Variants in ENTHD1 observed in about 807,000 individuals in gnomAD.
ENTHD1 encodes the protein ENTH domain-containing protein 1.
ENTHD1 carries 23 observed loss-of-function variants against 39.1 expected under a neutral mutation model. The observed-to-expected ratio is 0.59, with a 90% confidence interval of 0.42 to 0.83. The LOEUF (loss-of-function observed/expected upper bound fraction) is 0.83, where lower values mean the gene tolerates loss of function less well. Among genes scored for constraint, ENTHD1 ranks in the 40% least tolerant of loss-of-function variants. The probability of loss-of-function intolerance (pLI) is 0.00; values close to 1 mark genes in which losing one functional copy is unlikely to be tolerated. For missense variants in ENTHD1, 624 were observed against 705.4 expected, an observed-to-expected ratio of 0.88 and a Z score of 1.31; for synonymous variants, 230 against 258.2, an observed-to-expected ratio of 0.89 and a Z score of 1.05.
At chr22:39,825,214 T>C (rs1454011523) in intron 4 of ENTHD1, among the ~76,000 whole-genome samples, 2 of 152,348 alleles carry the variant, frequency 1.3e-5, no homozygotes, top group East Asian at 3.9e-4. Flanking sequence ...TTTTAATGCC[T>C]AAGTATTTAA....
chr22:39,769,670 A>G (rs2146566229), intron 5 of ENTHD1, among the ~76,000 whole-genome samples: 1 of 152,236 alleles, frequency 6.6e-6, no homozygotes, highest in African/African-American at 2.4e-5. Context: ...GAGGAAGGCC[A>G]AGAGAGTATG....
chr22:39,824,550 A>G (rs1223831035), intron 4 of ENTHD1, among the ~76,000 whole-genome samples: 1 of 151,936 alleles, frequency 6.6e-6, no homozygotes, highest in East Asian at 1.9e-4. Flanking sequence ...TATTTTCTAA[A>G]AGTTTTATAG....
At chr22:39,806,834 G>T (rs1277849790) in intron 5 of ENTHD1, among the ~76,000 whole-genome samples, 1 of 152,178 alleles carries the variant, frequency 6.6e-6, no homozygotes, top group Non-Finnish European at 1.5e-5. Flanking sequence ...TAAATCCCAA[G>T]AATGAGCAAG....
intron 5 of ENTHD1, among the ~76,000 whole-genome samples, chr22:39,772,478 C>A (rs2065334618): frequency 6.6e-6 from 1 of 152,088 alleles, no homozygotes; most frequent in South Asian, 2.1e-4. Flanking sequence ...CCGTGAATAC[C>A]TAAAGGTGTA....
chr22:39,753,680 G>A (rs1006579089), intron 6 of ENTHD1, among the ~76,000 whole-genome samples: 3 of 152,144 alleles, frequency 2.0e-5, no homozygotes, highest in Non-Finnish European at 4.4e-5. Context: ...CACCCTGAGT[G>A]ACGCCAATGT....
At chr22:39,890,837 T>C (rs189301628) in intron 1 of ENTHD1, among the ~76,000 whole-genome samples, 1 of 152,318 alleles carries the variant, frequency 6.6e-6, no homozygotes, top group Non-Finnish European at 1.5e-5. Flanking sequence ...AACTTTACCT[T>C]GTGATATGAA....
Position 39,765,410 on chromosome 22 carries a change from G to T in ENTHD1, c.1032C>A (p.Ser344Arg), listed in dbSNP as rs1260700693. The T allele has an allele frequency of 3.1e-6, 5 of 1,613,988 alleles. No individual in the cohort carries two copies. Among genetic ancestry groups the T allele is most frequent in the Non-Finnish European group, 4.2e-6 (5 of 1,179,980 alleles). ...ACWSSKEEFI[S>R]PDLRVSKSDS... ...CTGACTTTGATACCCTTAAGTCGGG[G>T]CTGATAAACTCCTCTTTACTTGACC... Residue 344 changes from serine to arginine, a missense_variant, in exon 6 of 7, where the codon AGC becomes AGA. Transcript: ENST00000325157.
At chr22:39,762,463 A>T (rs1236694354) in intron 6 of ENTHD1, among the ~76,000 whole-genome samples, 1 of 150,242 alleles carries the variant, frequency 6.7e-6, no homozygotes, top group Non-Finnish European at 1.5e-5. Flanking sequence ...CCAGGCTCTC[A>T]CTGTGTCACC....
rs1175162536 is a variant in ENTHD1 at position 39,765,498 on chromosome 22, G to A, written c.944C>T (p.Thr315Ile). 5 of 1,613,634 alleles carry A rather than the reference G, an allele frequency of 3.1e-6. No individual in the cohort carries two copies. The highest frequency in any genetic ancestry group is 4.2e-6 in the Non-Finnish European group (5 of 1,179,924). ...TGCAGCTGATTGCTTTTCTAAAGGT[G>A]TTTCCAAGAGGTTTTCTGTGACAGT... is the stretch of plus-strand genomic sequence containing the variant. Reference protein sequence around the residue: ...TNTVTENLLETPLEKQSAAEG... With the variant: ...TNTVTENLLEIPLEKQSAAEG... The change falls in exon 6 of 7, where the codon ACA becomes ATA. Residue 315 changes from threonine to isoleucine, a missense_variant. Physicochemically the swap from Thr to Ile is moderately conservative, Grantham distance 89. Coordinates refer to ENST00000325157, the MANE Select transcript of ENTHD1 (RefSeq NM_152512.4).
At chr22:39,807,721 G>A (rs1231755685) in intron 5 of ENTHD1, among the ~76,000 whole-genome samples, 1 of 152,172 alleles carries the variant, frequency 6.6e-6, no homozygotes, top group Non-Finnish European at 1.5e-5. Flanking sequence ...CAAAATGTGG[G>A]TTGTGACCAA....
At chr22:39,880,864 T>C (rs967807477) in intron 2 of ENTHD1, among the ~76,000 whole-genome samples, 1 of 152,294 alleles carries the variant, frequency 6.6e-6, no homozygotes, top group Middle Eastern at 3.4e-3. Flanking sequence ...CCTTAATTCC[T>C]TCATTCAACA....
At chr22:39,792,328 T>C (rs185616641) in intron 5 of ENTHD1, among the ~76,000 whole-genome samples, 22 of 152,232 alleles carry the variant, frequency 1.4e-4, no homozygotes, top group African/African-American at 3.1e-4. Flanking sequence ...TCCACAATGA[T>C]TGGACTAATT....
intron 5 of ENTHD1, among the ~76,000 whole-genome samples, chr22:39,798,352 G>C (rs1386846519): frequency 1.3e-5 from 2 of 151,926 alleles, no homozygotes; most frequent in Non-Finnish European, 1.5e-5. Flanking sequence ...TTGTTTTTCT[G>C]ATTTCTTTGT....
chr22:39,785,827 A>C (rs2146592861), intron 5 of ENTHD1, among the ~76,000 whole-genome samples: 1 of 152,248 alleles, frequency 6.6e-6, no homozygotes, highest in African/African-American at 2.4e-5. Context: ...CATAGTGCCT[A>C]GGTCATCTGG....
chr22:39,845,632 G>A (rs141498199), intron 3 of ENTHD1, among the ~76,000 whole-genome samples: 12 of 152,322 alleles, frequency 7.9e-5, no homozygotes, highest in African/African-American at 1.7e-4. Flanking sequence ...TGAAGTTATT[G>A]TAAATTATAT....
chr22:39,759,639 C>T (rs2065214525), intron 6 of ENTHD1, among the ~76,000 whole-genome samples: 1 of 151,378 alleles, frequency 6.6e-6, no homozygotes, highest in Non-Finnish European at 1.5e-5. Flanking sequence ...TCCTTTTTTC[C>T]AAGCATCTTA....
intron 6 of ENTHD1, among the ~76,000 whole-genome samples, chr22:39,756,314 T>TCTCTCA (rs1555921062): frequency 4.8e-4 from 69 of 144,286 alleles, no homozygotes; most frequent in African/African-American, 1.8e-3. Context: ...TCTCTCTCTC[T>TCTCTCA]CTCACACACA....
chr22:39,780,411 A>G (rs188078829), intron 5 of ENTHD1, among the ~76,000 whole-genome samples: 2 of 152,050 alleles, frequency 1.3e-5, no homozygotes, highest in East Asian at 1.9e-4. Flanking sequence ...CAATTCTCCA[A>G]TTAAAAGGCA....
chr22:39,870,758 C>A (rs1022939766), intron 2 of ENTHD1, among the ~76,000 whole-genome samples: 1 of 152,154 alleles, frequency 6.6e-6, no homozygotes, highest in Non-Finnish European at 1.5e-5. Context: ...GTATCCTCAG[C>A]CCTCCAAACC....
Sources: gnomAD v4.1 joint callset for allele counts (sites outside exome capture counted in the v4.1 genomes callset) on GRCh38, gnomAD v4.1.1 for gene constraint, MANE v1.5 for transcripts, NCBI Gene and HGNC (gene_info 2026-07-23, HGNC 2026-07-21) for gene names.